Variants in AFF3 observed in about 807,000 individuals in gnomAD.
The protein encoded by AFF3 is AF4/FMR2 family member 3.
A neutral mutation model predicts 129.7 loss-of-function variants in AFF3; 32 were observed. That is an observed-to-expected ratio of 0.25 (90% CI 0.19 to 0.33). The LOEUF is 0.33. Ranked by LOEUF, AFF3 falls within the 10% of genes least tolerant of loss-of-function variation. AFF3 has a pLI of 1.00. For missense variants in AFF3, 1,373 were observed against 1,592.0 expected, an observed-to-expected ratio of 0.86 and a Z score of 2.34; for synonymous variants, 644 against 635.4, an observed-to-expected ratio of 1.01 and a Z score of -0.20.
chr2:99,774,108 A>C (rs1683703650), intron 8 of AFF3, among the ~76,000 whole-genome samples: 1 of 152,242 alleles, frequency 6.6e-6, no homozygotes, highest in African/African-American at 2.4e-5. Flanking sequence ...ATGGAAAAAC[A>C]TTCCATGCTC....
chr2:99,832,303 C>A (rs758004287), intron 8 of AFF3, among the ~76,000 whole-genome samples: 19 of 152,316 alleles, frequency 1.2e-4, no homozygotes, highest in Admixed American at 5.2e-4. Flanking sequence ...TATCAAAGGG[C>A]GAAGCTGTTC....
chr2:100,083,593 C>T (rs1310308035), intron 4 of AFF3, among the ~76,000 whole-genome samples: 3 of 152,210 alleles, frequency 2.0e-5, no homozygotes, highest in Non-Finnish European at 2.9e-5. Context: ...TCCACCTCAG[C>T]GCCTGCTCAT....
intron 4 of AFF3, among the ~76,000 whole-genome samples, chr2:100,016,019 T>C (rs1346724708): frequency 1.4e-5 from 2 of 141,890 alleles, no homozygotes; most frequent in African/African-American, 5.6e-5. Context: ...GGTGTTGTGG[T>C]AGTGGTGGTG....
intron 7 of AFF3, among the ~76,000 whole-genome samples, chr2:99,870,087 C>T (rs138556604): frequency 6.6e-5 from 10 of 152,292 alleles, no homozygotes; most frequent in East Asian, 1.9e-4. Context: ...CAGTCTCTTA[C>T]CTCAACACCA....
intron 13 of AFF3, among the ~76,000 whole-genome samples, chr2:99,625,104 G>A (rs560890503): frequency 9.8e-5 from 15 of 152,322 alleles, no homozygotes; most frequent in Admixed American, 5.9e-4. Context: ...CTTGAAGGGC[G>A]AGATAGAATT....
intron 13 of AFF3, among the ~76,000 whole-genome samples, 154 bp from the exon 14 acceptor site, chr2:99,601,775 C>T (rs893712366): frequency 1.3e-5 from 2 of 152,216 alleles, no homozygotes; most frequent in African/African-American, 4.8e-5. Flanking sequence ...GAGCAGGCAT[C>T]GAGGTCAAAG....
At chr2:99,766,336 G>T (rs1202586450) in intron 8 of AFF3, among the ~76,000 whole-genome samples, 1 of 152,200 alleles carries the variant, frequency 6.6e-6, no homozygotes, top group Non-Finnish European at 1.5e-5. Context: ...CTAACTTTAT[G>T]CAAGTATTTT....
intron 8 of AFF3, among the ~76,000 whole-genome samples, chr2:99,816,698 C>G (rs1373747977): frequency 6.6e-6 from 1 of 151,920 alleles, no homozygotes; most frequent in Non-Finnish European, 1.5e-5. Context: ...AAGATGGTAT[C>G]TGATGTTCCG....
chr2:100,081,693 A>C (rs1242452455), intron 4 of AFF3, among the ~76,000 whole-genome samples: 1 of 152,200 alleles, frequency 6.6e-6, no homozygotes, highest in Non-Finnish European at 1.5e-5. Flanking sequence ...TCTGACACAC[A>C]GAATCATTGG....
intron 1 of AFF3, among the ~76,000 whole-genome samples, 164 bp downstream of exon 1, chr2:100,142,320 T>C (rs2105623848): frequency 6.6e-6 from 1 of 152,156 alleles, no homozygotes; most frequent in South Asian, 2.1e-4. Flanking sequence ...CACCAGGGCC[T>C]GGACCATCTC....
chr2:99,579,535 C>A (rs1575412650), intron 17 of AFF3, among the ~76,000 whole-genome samples: 1 of 152,022 alleles, frequency 6.6e-6, no homozygotes, highest in East Asian at 1.9e-4. Context: ...GCCTGGCCAA[C>A]ATGGCAAAAC....
At chr2:99,740,702 T>G (rs1018772423) in intron 10 of AFF3, among the ~76,000 whole-genome samples, 125 of 151,844 alleles carry the variant, frequency 8.2e-4, no homozygotes, top group Non-Finnish European at 1.6e-3. Context: ...TCATTGTAGG[T>G]TCTGGATATT....
chr2:99,964,971 T>C (rs557746654), intron 7 of AFF3, among the ~76,000 whole-genome samples: 1 of 152,352 alleles, frequency 6.6e-6, no homozygotes, highest in African/African-American at 2.4e-5. Context: ...CTGTGGATGC[T>C]GACTATAATT....
intron 7 of AFF3, among the ~76,000 whole-genome samples, chr2:99,944,150 C>T (rs146183053): frequency 6.6e-6 from 1 of 152,298 alleles, no homozygotes; most frequent in African/African-American, 2.4e-5. Context: ...ATCCTCCCGC[C>T]TCCGCTTCCC....
intron 18 of AFF3, among the ~76,000 whole-genome samples, 158 bp downstream of exon 18, chr2:99,578,169 A>G (rs975917466): frequency 5.9e-5 from 9 of 152,178 alleles, no homozygotes; most frequent in Non-Finnish European, 8.8e-5. Context: ...TAAGGCTCCA[A>G]TTCCATTCAA....
At chr2:99,866,481 T>A (rs938595642) in intron 7 of AFF3, among the ~76,000 whole-genome samples, 1 of 152,086 alleles carries the variant, frequency 6.6e-6, no homozygotes, top group Non-Finnish European at 1.5e-5. Flanking sequence ...CGCTGGATGG[T>A]GCTACAGGAA....
intron 8 of AFF3, among the ~76,000 whole-genome samples, chr2:99,775,844 T>C (rs75596327): frequency 4.9e-4 from 75 of 152,310 alleles, no homozygotes; most frequent in African/African-American, 1.7e-3. Flanking sequence ...CAGTAGTTCC[T>C]TGCATGCACT....
intron 7 of AFF3, among the ~76,000 whole-genome samples, chr2:99,982,094 G>A (rs1416041660): frequency 6.6e-6 from 1 of 152,196 alleles, no homozygotes; most frequent in Non-Finnish European, 1.5e-5. Flanking sequence ...GCAAGCGAAG[G>A]TGGGTGGGAC....
chr2:100,054,280 T>C (rs1487675004), intron 4 of AFF3, among the ~76,000 whole-genome samples: 2 of 152,212 alleles, frequency 1.3e-5, no homozygotes, highest in African/African-American at 4.8e-5. Context: ...CTGTGTCATC[T>C]TGCTTGGGCC....
Sources: gnomAD v4.1 joint callset for allele counts (sites outside exome capture counted in the v4.1 genomes callset) on GRCh38, gnomAD v4.1.1 for gene constraint, MANE v1.5 for transcripts, NCBI Gene and HGNC (gene_info 2026-07-23, HGNC 2026-07-21) for gene names.